KATNBL1: variants seen among roughly 807,000 people sequenced by gnomAD.
KATNBL1 encodes KATNB1-like protein 1.
Under a neutral mutation model 44.7 loss-of-function variants are expected in KATNBL1, and 28 were observed. The observed-to-expected ratio is 0.63, with a 90% CI of 0.46 to 0.86. The LOEUF is 0.86. Ranked by LOEUF, KATNBL1 falls within the 40% of genes least tolerant of loss-of-function variation. The probability of loss-of-function intolerance (pLI) is 0.00; values close to 1 mark genes in which losing one functional copy is unlikely to be tolerated. For synonymous variants in KATNBL1, 78 were observed against 114.9 expected, an observed-to-expected ratio of 0.68 and a Z score of 2.06; for missense variants, 272 against 350.7, an observed-to-expected ratio of 0.78 and a Z score of 1.79.
At chr15:34,193,344 G>A (rs1411838878) in intron 1 of KATNBL1, among the ~76,000 whole-genome samples, 1 of 151,720 alleles carries the variant, frequency 6.6e-6, no homozygotes, top group African/African-American at 2.4e-5. Flanking sequence ...AACCAGCCTG[G>A]CCAATATGGC....
chr15:34,142,819 C>A, intron 9 of KATNBL1: 1 of 289,858 alleles, frequency 3.4e-6, no homozygotes, highest in Middle Eastern at 1.3e-3. Context: ...TCAAGTGATT[C>A]TCCAGCCTCA....
chr15:34,200,158 T>G (rs181190253), intron 1 of KATNBL1, among the ~76,000 whole-genome samples: 2 of 152,336 alleles, frequency 1.3e-5, no homozygotes, highest in Admixed American at 1.3e-4. Context: ...GAAACCCAGC[T>G]GGCTTCACCT....
chr15:34,189,961 TTGA>T (rs1472932667), intron 1 of KATNBL1, among the ~76,000 whole-genome samples: 2 of 151,832 alleles, frequency 1.3e-5, no homozygotes, highest in Non-Finnish European at 2.9e-5. Flanking sequence ...TTTTTTTTTT[TTGA>T]GACAGAATCT....
chr15:34,156,241 G>A (rs73376181), intron 2 of KATNBL1, among the ~76,000 whole-genome samples: 31,386 of 152,074 alleles, frequency 0.21, 4,061 homozygotes, highest in African/African-American at 0.37. Context: ...ACTCAGTGTC[G>A]GGAGACAGAA....
At chr15:34,198,846 CT>C (rs1171623997) in intron 1 of KATNBL1, among the ~76,000 whole-genome samples, 1 of 152,162 alleles carries the variant, frequency 6.6e-6, no homozygotes, top group African/African-American at 2.4e-5. Flanking sequence ...TTAAACTGTA[CT>C]TTTTATAAAA....
Position 34,152,876 on chromosome 15 carries a change from T to C in KATNBL1, c.352A>G (p.Ser118Gly). ...GHLPEKLHHD[S>G]RTYLVNSSDS... ...CTGGAGTTAACCAAATATGTTCGAC[T>C]ATCATGGTGTAATTTTTCAGGCAGG... The change falls in exon 4 of 10, where the codon AGT becomes GGT. Residue 118 changes from serine (S) to glycine (G), a missense_variant. By Grantham distance (56) the Ser-to-Gly change is moderately conservative. Coordinates refer to ENST00000256544, the MANE Select transcript of KATNBL1 (RefSeq NM_024713.3). 5 of 1,613,950 alleles carry C rather than the reference T, an allele frequency of 3.1e-6. No homozygotes were observed. Among genetic ancestry groups the C allele is most frequent in the Non-Finnish European group, 4.2e-6 (5 of 1,179,814 alleles).
chr15:34,148,609 A>G (rs1182695169), intron 5 of KATNBL1, 23 bp downstream of exon 5: 9 of 1,304,636 alleles, frequency 6.9e-6, no homozygotes, highest in Non-Finnish European at 1.0e-5. Context: ...GATTGAACAA[A>G]GAGGATAAAA....
At chr15:34,193,236 CA>C (rs869058713) in intron 1 of KATNBL1, among the ~76,000 whole-genome samples, 1 of 79,178 alleles carries the variant, frequency 1.3e-5, no homozygotes, top group Non-Finnish European at 2.7e-5. Flanking sequence ...AAAAAAAAAA[CA>C]AAAAAAAAAC....
intron 1 of KATNBL1, among the ~76,000 whole-genome samples, chr15:34,207,702 G>A (rs931515583): frequency 6.6e-6 from 1 of 151,830 alleles, no homozygotes; most frequent in African/African-American, 2.4e-5. Context: ...TTGGGCTTAA[G>A]CGATCTTCCC....
intron 4 of KATNBL1, among the ~76,000 whole-genome samples, chr15:34,152,107 A>G (rs1309880908): frequency 6.6e-6 from 1 of 151,778 alleles, no homozygotes; most frequent in Non-Finnish European, 1.5e-5. Flanking sequence ...TGCCCGGCTC[A>G]TTTTTGTACT....
At position 34,145,432 on chromosome 15, in the gene KATNBL1, G is replaced by C. The variant is rs192899081; in HGVS notation, c.848C>G (p.Thr283Ser). The change falls in exon 9 of 10, where the codon ACT becomes AGT. Residue 283 changes from threonine (T) to serine (S), a missense_variant. Thr to Ser is a moderately conservative substitution (Grantham distance 58). This residue lies in a region of KATNBL1 where 39 missense variants were observed against 76.3 expected (regional missense o/e 0.51). Coordinates refer to ENST00000256544, the MANE Select transcript of KATNBL1 (RefSeq NM_024713.3). Reference sequence around the variant, plus strand: ...ATTACCAGTATATCCTGGAACCAAAGTAAGATGGTTTTCCTGTTCCCATAA... The same window carrying C: ...ATTACCAGTATATCCTGGAACCAAACTAAGATGGTTTTCCTGTTCCCATAA... ...SGLWEQENHL[T>S]LVPGYTGNIA... The C allele has an allele frequency of 4.8e-6, 7 of 1,470,656 alleles. No individual in the cohort carries two copies. In the African/African-American group the frequency reaches 5.9e-5, roughly 12 times the overall value. 91.1% of individuals were successfully genotyped at this position (1,470,656 alleles called of 1,614,324 possible).
At chr15:34,172,717 C>T (rs1889202335) in intron 1 of KATNBL1, among the ~76,000 whole-genome samples, 1 of 151,018 alleles carries the variant, frequency 6.6e-6, no homozygotes, top group East Asian at 2.0e-4. Flanking sequence ...TCTGACTAAT[C>T]TTGTAACACA....
chr15:34,184,107 T>C (rs145511338), intron 1 of KATNBL1, among the ~76,000 whole-genome samples: 5 of 152,010 alleles, frequency 3.3e-5, no homozygotes, highest in Non-Finnish European at 7.4e-5. Context: ...ATCGAGACCA[T>C]CCTGGCTAAC....
chr15:34,176,529 G>A (rs1015016284), intron 1 of KATNBL1, among the ~76,000 whole-genome samples: 5 of 152,106 alleles, frequency 3.3e-5, no homozygotes, highest in East Asian at 1.9e-4. Flanking sequence ...AAGCAGACTC[G>A]TGGTTGTCTT....
At chr15:34,187,236 G>C (rs1889743343) in intron 1 of KATNBL1, among the ~76,000 whole-genome samples, 1 of 152,162 alleles carries the variant, frequency 6.6e-6, no homozygotes, top group South Asian at 2.1e-4. Context: ...AGAGATATCA[G>C]AATGACTTAA....
chr15:34,169,214 C>G (rs914169347), intron 1 of KATNBL1, among the ~76,000 whole-genome samples: 12 of 151,896 alleles, frequency 7.9e-5, no homozygotes, highest in Non-Finnish European at 1.3e-4. Context: ...AAGAAGAAAA[C>G]AGAGAAGAAT....
At chr15:34,193,713 A>G (rs1442551683) in intron 1 of KATNBL1, among the ~76,000 whole-genome samples, 1 of 151,494 alleles carries the variant, frequency 6.6e-6, no homozygotes, top group African/African-American at 2.4e-5. Flanking sequence ...TTAGCCGGGC[A>G]TAGTGGTGCA....
rs571605181 is a variant in KATNBL1 at position 34,169,720 on chromosome 15, A to C, written c.-14-6030T>G. ...ATACTGGCAAACCGAATCCAGCAGCACATCAAAACCTTATCCACCACGATC... is the reference window on the plus strand; with the variant it reads ...ATACTGGCAAACCGAATCCAGCAGCCCATCAAAACCTTATCCACCACGATC... On this transcript the variant is annotated intron_variant, in intron 1 of 9. Coordinates refer to ENST00000256544, the MANE Select transcript of KATNBL1 (RefSeq NM_024713.3). 2.0e-3 allele frequency among the ~76,000 whole-genome samples: 298 copies of C among 152,344 alleles called. 2 individuals carry two copies. Among genetic ancestry groups the C allele is most frequent in the Non-Finnish European group, 1.4e-3 (97 of 68,034 alleles).
chr15:34,142,478 A>G (rs1274026105), intron 9 of KATNBL1, 107 bp from the exon 10 acceptor site: 1 of 1,269,794 alleles, frequency 7.9e-7, no homozygotes, highest in Admixed American at 2.7e-5. Flanking sequence ...TCCTTTTGTG[A>G]CCTTTTGAGG....
Sources: allele counts gnomAD v4.1 joint callset (sites outside exome capture counted in the v4.1 genomes callset), GRCh38; gene constraint gnomAD v4.1.1; regional missense constraint gnomAD v4.1.1; transcripts MANE v1.5; gene names NCBI Gene and HGNC (gene_info 2026-07-23, HGNC 2026-07-21).